ABLIM2: variants seen among roughly 807,000 people sequenced by gnomAD.
The protein encoded by ABLIM2 is actin-binding LIM protein 2.
A neutral mutation model predicts 97.7 loss-of-function variants in ABLIM2; 53 were observed. That is an observed-to-expected ratio of 0.54 (90% CI 0.44 to 0.68). The LOEUF (loss-of-function observed/expected upper bound fraction) is 0.68, where lower values mean the gene tolerates loss of function less well. Ranked by LOEUF, ABLIM2 falls within the 30% of genes least tolerant of loss-of-function variation. ABLIM2 has a pLI of 0.00. For synonymous variants in ABLIM2, 361 were observed against 345.8 expected, an observed-to-expected ratio of 1.04 and a Z score of -0.49; for missense variants, 835 against 867.2, an observed-to-expected ratio of 0.96 and a Z score of 0.47.
intron 4 of ABLIM2, among the ~76,000 whole-genome samples, chr4:8,084,614 C>T (rs1171593274): frequency 3.5e-5 from 3 of 84,854 alleles, no homozygotes; most frequent in Non-Finnish European, 7.4e-5. Flanking sequence ...GCCTCTTCAT[C>T]CCTCACTCTG....
rs1241561230 is a variant in ABLIM2, at chr4:8,082,533, A to G, written c.455-1731T>C. ...GTTTCTTTTGGCAGAGACCTGAGTC[A>G]TATTGTTTTTAACAATTAAAACAAA... On this transcript the variant is annotated intron_variant, in intron 4 of 20. Coordinates refer to ENST00000447017, the MANE Select transcript of ABLIM2 (RefSeq NM_001130083.2). This position sits in a 1 kb window ranked among gnomAD's most constrained non-coding sequence, Gnocchi z 5.6. Among the ~76,000 whole-genome samples, 1 of 152,222 alleles carries G rather than the reference A, an allele frequency of 6.6e-6. No homozygotes were observed. The highest frequency in any genetic ancestry group is 1.5e-5 in the Non-Finnish European group (1 of 68,040).
In ABLIM2 at chr4:8,075,473, G is replaced by A. The variant is rs1815415331; in HGVS notation, c.675+2155C>T. Among the ~76,000 whole-genome samples the A allele has an allele frequency of 6.6e-6, 1 of 152,142 alleles. No individual in the cohort carries two copies. The highest frequency in any genetic ancestry group is 1.5e-5 in the Non-Finnish European group (1 of 68,018). On this transcript the variant is annotated intron_variant, in intron 6 of 20. Coordinates refer to ENST00000447017, the MANE Select transcript of ABLIM2 (RefSeq NM_001130083.2). The surrounding 1 kb of genome is among the most constrained non-coding windows in gnomAD (Gnocchi z 4.4). ...TTTGGGCGGTGAAGGCAGGTGAATT[G>A]CTTAAGTTCAGGAGCTCGAGACCAG...
At chr4:8,088,123 C>A in intron 4 of ABLIM2, 46 bp downstream of exon 4, 1 of 869,906 alleles carries the variant, frequency 1.1e-6, no homozygotes, top group Non-Finnish European at 1.6e-6. Flanking sequence ...GCACCCCCCA[C>A]TCAGCATGCC....
At chr4:8,035,175 G>T (rs2151413991) in intron 10 of ABLIM2, among the ~76,000 whole-genome samples, 1 of 152,028 alleles carries the variant, frequency 6.6e-6, no homozygotes, top group South Asian at 2.1e-4. Context: ...TGTCAGTGGG[G>T]CTTGTCACCC....
Position 8,127,195 on chromosome 4 carries a change from C to G in ABLIM2, c.11-20558G>C, listed in dbSNP as rs1406136377. On this transcript the variant is annotated intron_variant, in intron 1 of 20. Transcript: ENST00000447017. This position sits in a 1 kb window ranked among gnomAD's most constrained non-coding sequence, Gnocchi z 7.3. ...GAAAAGGGAGGGAGGGAGGCCCAGA[C>G]GCTGTGGTCAGTGGGTGCTGGAGTC... Among the ~76,000 whole-genome samples, 1 of 152,138 alleles carries G rather than the reference C, an allele frequency of 6.6e-6. No individual in the cohort carries two copies. The highest frequency in any genetic ancestry group is 2.4e-5 in the African/African-American group (1 of 41,430).
At chr4:8,084,139 C>A (rs951042716) in intron 4 of ABLIM2, among the ~76,000 whole-genome samples, 1 of 152,214 alleles carries the variant, frequency 6.6e-6, no homozygotes, top group Non-Finnish European at 1.5e-5. Context: ...TGAAAATCCA[C>A]GAACTTGGCT....
chr4:8,019,520 G>T lies in ABLIM2; in HGVS notation c.1423+98C>A. On this transcript the variant is annotated intron_variant, in intron 14 of 20. Coordinates refer to ENST00000447017, the MANE Select transcript of ABLIM2 (RefSeq NM_001130083.2). The surrounding 1 kb of genome is among the most constrained non-coding windows in gnomAD (Gnocchi z 4.3). ...TAAGGGCCTTGGTGGTGCCTTCACTGCATTTATCAGAACACAACAAAAGGA... is the reference window on the plus strand; with the variant it reads ...TAAGGGCCTTGGTGGTGCCTTCACTTCATTTATCAGAACACAACAAAAGGA... 8.1e-7 allele frequency: 1 copy of T among 1,240,628 alleles called. No individual in the cohort carries two copies. The highest frequency in any genetic ancestry group is 1.1e-6 in the Non-Finnish European group (1 of 879,178). The allele number at this position is 1,240,628 out of a possible 1,614,324, so 76.9% of individuals were successfully genotyped here.
In ABLIM2 at chr4:8,113,344, G is replaced by A. The variant is rs1362299710; in HGVS notation, c.11-6707C>T. ...TCCTGGGCTCAAGTGATCCTCCCAT[G>A]TCAGCCTCCCAAAGTGCTGGGATTA... On this transcript the variant is annotated intron_variant, in intron 1 of 20. Coordinates refer to ENST00000447017, the MANE Select transcript of ABLIM2 (RefSeq NM_001130083.2). This position sits in a 1 kb window ranked among gnomAD's most constrained non-coding sequence, Gnocchi z 4.5. 6.6e-6 allele frequency among the ~76,000 whole-genome samples: 1 copy of A among 152,116 alleles called. No individual in the cohort carries two copies. Among genetic ancestry groups the A allele is most frequent in the Non-Finnish European group, 1.5e-5 (1 of 68,022 alleles).
At position 8,085,001 on chromosome 4, in the gene ABLIM2, C is replaced by T. The variant is rs1230146961; in HGVS notation, c.454+3168G>A. ...GGGGGCCTCACGGGAAGGGGCAGAG[C>T]TTCAGGGACACAGGGGACCTCCCAA... On this transcript the variant is annotated intron_variant, in intron 4 of 20. Coordinates refer to ENST00000447017, the MANE Select transcript of ABLIM2 (RefSeq NM_001130083.2). The surrounding 1 kb of genome is among the most constrained non-coding windows in gnomAD (Gnocchi z 6.1). Among the ~76,000 whole-genome samples the T allele has an allele frequency of 6.6e-6, 1 of 152,146 alleles. No individual in the cohort carries two copies. Among genetic ancestry groups the T allele is most frequent in the Non-Finnish European group, 1.5e-5 (1 of 67,996 alleles).
At chr4:8,025,941 C>G (rs1777040490) in intron 12 of ABLIM2, among the ~76,000 whole-genome samples, 1 of 152,228 alleles carries the variant, frequency 6.6e-6, no homozygotes, top group African/African-American at 2.4e-5. Flanking sequence ...CTGCCGTGGA[C>G]CACACGCAGC....
At chr4:8,079,436 G>T (rs1461568409) in intron 5 of ABLIM2, among the ~76,000 whole-genome samples, 1 of 152,182 alleles carries the variant, frequency 6.6e-6, no homozygotes, top group East Asian at 1.9e-4. Context: ...ATATTAAAGT[G>T]CTGCGTGCAC....
rs1012960056 is a variant in ABLIM2 at position 8,002,242 on chromosome 4, G to C, written c.1618+5817C>G. On this transcript the variant is annotated intron_variant, in intron 16 of 20. Coordinates refer to ENST00000447017, the MANE Select transcript of ABLIM2 (RefSeq NM_001130083.2). This position sits in a 1 kb window ranked among gnomAD's most constrained non-coding sequence, Gnocchi z 6.1. ...CCCCCGGACGTCTCAGGCTCTCCAA[G>C]CCAACATGAAGACACCCACCTGTTC... 2.0e-5 allele frequency among the ~76,000 whole-genome samples: 3 copies of C among 152,244 alleles called. No homozygotes were observed. The South Asian group carries it at 6.2e-4, about 32-fold the overall frequency.
chr4:8,029,748 T>A lies in ABLIM2; in HGVS notation c.1076A>T (p.Gln359Leu). 6.4e-7 allele frequency: 1 copy of A among 1,565,768 alleles called. No individual in the cohort carries two copies. The highest frequency in any genetic ancestry group is 8.7e-7 in the Non-Finnish European group (1 of 1,155,528). ...EGDQDDRSYK[Q>L]CRTSSPSSTG... is the part of the protein sequence containing the mutation. Reference sequence around the variant, plus strand: ...GGAGCTTGGGCTGGAGGTCCGACACTGCTTGTAGGACCGGTCATCCTGATC... The same window carrying A: ...GGAGCTTGGGCTGGAGGTCCGACACAGCTTGTAGGACCGGTCATCCTGATC... The change falls in exon 11 of 21, where the codon CAG becomes CTG. Residue 359 changes from glutamine to leucine, a missense_variant. Physicochemically the swap from Gln to Leu is moderately radical, Grantham distance 113. Coordinates refer to ENST00000447017, the MANE Select transcript of ABLIM2 (RefSeq NM_001130083.2).
chr4:8,077,167 G>A (rs551142195), intron 6 of ABLIM2, among the ~76,000 whole-genome samples: 3 of 152,234 alleles, frequency 2.0e-5, no homozygotes, highest in East Asian at 3.9e-4. Flanking sequence ...CAGGGAACAT[G>A]CCCACATGAC....
rs903772318 is a variant in ABLIM2, at chr4:8,044,457, A to T, written c.900+707T>A. The stretch of plus-strand genomic sequence containing the variant: ...TATTAAATATTAAATTTACATATAC[A>T]TATGTATATGTATGTATACATATAT... On this transcript the variant is annotated intron_variant, in intron 9 of 20. Transcript: ENST00000447017. This position sits in a 1 kb window ranked among gnomAD's most constrained non-coding sequence, Gnocchi z 4.4. Among the ~76,000 whole-genome samples, 10 of 151,806 alleles carry T rather than the reference A, an allele frequency of 6.6e-5. No homozygotes were observed. The highest frequency in any genetic ancestry group is 2.4e-4 in the African/African-American group (10 of 41,332).
At chr4:8,057,940 A>G (rs920794777) in intron 7 of ABLIM2, among the ~76,000 whole-genome samples, 5 of 152,246 alleles carry the variant, frequency 3.3e-5, no homozygotes, top group African/African-American at 1.2e-4. Flanking sequence ...CAGGGAGCAG[A>G]GCCTCAAAGC....
In ABLIM2 at chr4:8,127,423, C is replaced by G; in HGVS notation, c.11-20786G>C. 1 of 1,193,260 alleles carries G rather than the reference C, an allele frequency of 8.4e-7. No individual in the cohort carries two copies. Among genetic ancestry groups the G allele is most frequent in the Admixed American group, 2.5e-5 (1 of 39,462 alleles). 73.9% of individuals were successfully genotyped at this position (1,193,260 alleles called of 1,614,324 possible). ...AGGGCACAACTTGACTGGACCCGTCCTTTCCCACCAGACCCCTGAAGCTGA... is the reference window on the plus strand; with the variant it reads ...AGGGCACAACTTGACTGGACCCGTCGTTTCCCACCAGACCCCTGAAGCTGA... On this transcript the variant is annotated intron_variant, in intron 1 of 20. Transcript: ENST00000447017. This position sits in a 1 kb window ranked among gnomAD's most constrained non-coding sequence, Gnocchi z 7.3.
At chr4:8,096,487 T>C (rs1831634442) in intron 3 of ABLIM2, among the ~76,000 whole-genome samples, 1 of 152,152 alleles carries the variant, frequency 6.6e-6, no homozygotes, top group African/African-American at 2.4e-5. Flanking sequence ...ACATACTCCT[T>C]GTCATCGTCA....
rs182303002 is a variant in ABLIM2 at position 8,082,024 on chromosome 4, G to A, written c.455-1222C>T. On this transcript the variant is annotated intron_variant, in intron 4 of 20. Coordinates refer to ENST00000447017, the MANE Select transcript of ABLIM2 (RefSeq NM_001130083.2). This position sits in a 1 kb window ranked among gnomAD's most constrained non-coding sequence, Gnocchi z 5.6. ...GTGAGAGTGTGTCTGTGTGTTTGTC[G>A]AAGTGTGTGTCTGCGTGTGTTTAAG... Among the ~76,000 whole-genome samples the A allele has an allele frequency of 1.8e-3, 273 of 152,228 alleles. No homozygotes were observed. The highest frequency in any genetic ancestry group is 6.2e-3 in the African/African-American group (259 of 41,544).
Sources: gnomAD v4.1 joint callset for allele counts (sites outside exome capture counted in the v4.1 genomes callset) on GRCh38, gnomAD v4.1.1 for gene constraint, Gnocchi (gnomAD v3.1) non-coding constraint, MANE v1.5 for transcripts, NCBI Gene and HGNC (gene_info 2026-07-23, HGNC 2026-07-21) for gene names.